COXFA4: variants seen among roughly 807,000 people sequenced by gnomAD.
COXFA4 encodes the protein cytochrome c oxidase associated subunit FA4.
the COXFA4 span, chr7:10,933,772 G>T: frequency 9.6e-7 from 1 of 1,039,206 alleles, no homozygotes; most frequent in Non-Finnish European, 1.5e-6. Flanking sequence ...CTTTGTATTT[G>T]GTTTTCTACA....
the COXFA4 span, among the ~76,000 whole-genome samples, chr7:10,936,235 C>A: frequency 6.6e-6 from 1 of 152,202 alleles, no homozygotes; most frequent in Non-Finnish European, 1.5e-5. Context: ...CACTCTTCAT[C>A]TTTCCAGACT....
the COXFA4 span, chr7:10,933,767 T>C: frequency 5.3e-6 from 6 of 1,135,742 alleles, no homozygotes; most frequent in East Asian, 1.4e-4. Flanking sequence ...GAATTCTTTG[T>C]ATTTGGTTTT....
chr7:10,939,333 G>C, the COXFA4 span: 1 of 200,310 alleles, frequency 5.0e-6, no homozygotes, highest in Non-Finnish European at 1.0e-5. Flanking sequence ...ATCTGAATAA[G>C]TAAACGTATC....
At chr7:10,935,385 T>C in the COXFA4 span, among the ~76,000 whole-genome samples, 1 of 152,226 alleles carries the variant, frequency 6.6e-6, no homozygotes, top group Non-Finnish European at 1.5e-5. Context: ...CAACTGTTAT[T>C]CAGTTGAGAA....
chr7:10,939,204 C>G, the COXFA4 span: 2 of 297,962 alleles, frequency 6.7e-6, no homozygotes, highest in East Asian at 7.9e-5. Context: ...TTCTTCACCT[C>G]TCTAATATTT....
the COXFA4 span, chr7:10,939,406 T>C: frequency 5.6e-6 from 1 of 179,210 alleles, no homozygotes; most frequent in Non-Finnish European, 1.2e-5. Context: ...GCTTGCTGCG[T>C]ATTTAGGGAA....
At chr7:10,935,280 A>G in the COXFA4 span, among the ~76,000 whole-genome samples, 5 of 152,102 alleles carry the variant, frequency 3.3e-5, no homozygotes, top group Non-Finnish European at 5.9e-5. Flanking sequence ...CCCTACCTCT[A>G]TTCTTTTTCT....
chr7:10,935,780 T>C, the COXFA4 span, among the ~76,000 whole-genome samples: 1 of 152,186 alleles, frequency 6.6e-6, no homozygotes, highest in Non-Finnish European at 1.5e-5. Context: ...TGGTCTACAG[T>C]ATCTTGTTAC....
chr7:10,938,175 TATA>T, the COXFA4 span: 1 of 1,592,304 alleles, frequency 6.3e-7, no homozygotes, highest in Non-Finnish European at 8.6e-7. Context: ...TTACGACTGT[TATA>T]ATAATAAAGC....
chr7:10,935,495 T>C, the COXFA4 span, among the ~76,000 whole-genome samples: 1 of 152,260 alleles, frequency 6.6e-6, no homozygotes, highest in Non-Finnish European at 1.5e-5. Context: ...CAAATAATCC[T>C]CTGCTACGGA....
chr7:10,939,898 G>A, the COXFA4 span: 4 of 1,131,696 alleles, frequency 3.5e-6, no homozygotes, highest in Non-Finnish European at 5.4e-6. Context: ...GCGAGGCAGG[G>A]TCTGGTCTGA....
At chr7:10,936,757 G>C in the COXFA4 span, among the ~76,000 whole-genome samples, 1 of 152,158 alleles carries the variant, frequency 6.6e-6, no homozygotes, top group Non-Finnish European at 1.5e-5. Context: ...CTATCAGGCT[G>C]CGGGCACAGT....
the COXFA4 span, chr7:10,938,055 A>C: frequency 1.3e-6 from 2 of 1,585,888 alleles, no homozygotes; most frequent in Non-Finnish European, 1.7e-6. Flanking sequence ...TTACAACACA[A>C]TTTCTAACAA....
the COXFA4 span, among the ~76,000 whole-genome samples, chr7:10,935,923 G>C: frequency 6.6e-6 from 1 of 152,118 alleles, no homozygotes; most frequent in Non-Finnish European, 1.5e-5. Context: ...TGAATAAGTA[G>C]CCCTTACTTG....
the COXFA4 span, chr7:10,937,909 C>T: frequency 5.0e-6 from 3 of 601,288 alleles, no homozygotes. Context: ...CAATTAAATA[C>T]CTAGCAAAAA....
At chr7:10,933,257 A>G in the COXFA4 span, 19 of 176,920 alleles carry the variant, frequency 1.1e-4, no homozygotes, top group South Asian at 1.6e-3. Flanking sequence ...TTACTTTTGT[A>G]TAATTTCCAG....
the COXFA4 span, among the ~76,000 whole-genome samples, chr7:10,934,777 C>T: frequency 6.6e-6 from 1 of 152,096 alleles, no homozygotes; most frequent in South Asian, 2.1e-4. Flanking sequence ...ACCAAGTTAT[C>T]GTTGAGATAC....
chr7:10,936,227 C>T, the COXFA4 span, among the ~76,000 whole-genome samples: 2 of 152,216 alleles, frequency 1.3e-5, no homozygotes, highest in Non-Finnish European at 2.9e-5. Flanking sequence ...TAACATGACA[C>T]TCTTCATCTT....
chr7:10,935,439 C>G, the COXFA4 span, among the ~76,000 whole-genome samples: 1 of 152,168 alleles, frequency 6.6e-6, no homozygotes, highest in South Asian at 2.1e-4. Flanking sequence ...TTGGTCCTGT[C>G]TCTTGCTGTT....
Sources: allele counts gnomAD v4.1 joint callset (sites outside exome capture counted in the v4.1 genomes callset), GRCh38; gene constraint gnomAD v4.1.1; transcripts MANE v1.5; gene names NCBI Gene and HGNC (gene_info 2026-07-23, HGNC 2026-07-21).